Variants in C2orf78 observed in about 807,000 individuals in gnomAD.
C2orf78 encodes chromosome 2 open reading frame 78, also known as uncharacterized protein C2orf78.
C2orf78 carries 12 observed loss-of-function variants against 21.4 expected under a neutral mutation model. That is an observed-to-expected ratio of 0.56 (90% confidence interval 0.36 to 0.91). C2orf78 has a LOEUF of 0.91. Ranked by LOEUF, C2orf78 falls within the 40% of genes least tolerant of loss-of-function variation. C2orf78 has a pLI of 0.01. For synonymous variants in C2orf78, 396 were observed against 413.9 expected (o/e 0.96, Z 0.52); for missense variants, 1,042 against 1,092.4 (o/e 0.95, Z 0.65).
chr2:73,815,124 C>G, exon 3 of C2orf78: 1 of 1,613,942 alleles, frequency 6.2e-7, no homozygotes, highest in Non-Finnish European at 8.5e-7. Context: ...ATCTCCAAGC[C>G]AGACATTTTG....
chr2:73,813,368 G>A lies in C2orf78; in HGVS notation c.98-109G>A, dbSNP rs1428351962. On this transcript the variant is annotated intron_variant, in intron 1 of 2. Transcript: ENST00000409561. ...GCTTTTGGTATCTCAGTGAGTATTG[G>A]TATTAGAGGCTTCCTGATTGCAACA... The A allele has an allele frequency of 3.5e-6, 4 of 1,131,178 alleles. No individual in the cohort carries two copies. In the African/African-American group the frequency reaches 6.3e-5, roughly 18 times the overall value. The allele number at this position is 1,131,178 out of a possible 1,614,324, so 70.1% of individuals were successfully genotyped here.
chr2:73,815,196 A>G, exon 3 of C2orf78: 1 of 1,614,020 alleles, frequency 6.2e-7, no homozygotes, highest in South Asian at 1.1e-5. Context: ...GACACTTGAG[A>G]GTAACCCATC....
At chr2:73,816,708 T>A in exon 3 of C2orf78, 1 of 1,614,014 alleles carries the variant, frequency 6.2e-7, no homozygotes, top group Non-Finnish European at 8.5e-7. Flanking sequence ...GGAGCCTGTT[T>A]CCACTGCTGT....
At chr2:73,814,973 G>A in intron 2 of C2orf78, 98 bp from the exon 3 acceptor site, 1 of 1,185,096 alleles carries the variant, frequency 8.4e-7, no homozygotes, top group Non-Finnish European at 1.2e-6. Context: ...TAGTAGAAAT[G>A]CCTTGCCCAT....
intron 1 of C2orf78, among the ~76,000 whole-genome samples, chr2:73,784,805 A>C (rs990492623): frequency 1.3e-5 from 2 of 151,490 alleles, no homozygotes; most frequent in East Asian, 1.9e-4. Flanking sequence ...TTCATGTGTA[A>C]TAGCCTCCCT....
exon 2 of C2orf78, chr2:73,813,963 A>G (rs773991676): frequency 6.2e-7 from 1 of 1,614,022 alleles, no homozygotes; most frequent in Non-Finnish European, 8.5e-7. Context: ...CAAATTCCAA[A>G]TCAGCAGGGC....
chr2:73,785,834 G>A (rs1672916275), intron 1 of C2orf78, among the ~76,000 whole-genome samples: 1 of 151,918 alleles, frequency 6.6e-6, no homozygotes, highest in Non-Finnish European at 1.5e-5. Flanking sequence ...ATCACCTGAG[G>A]TCAGGAGTGT....
chr2:73,814,344 C>A, intron 2 of C2orf78, 118 bp downstream of exon 2: 1 of 1,167,436 alleles, frequency 8.6e-7, no homozygotes, highest in Non-Finnish European at 1.2e-6. Context: ...ACTTCAACCA[C>A]TATTCTTTGG....
At chr2:73,816,632 T>C in exon 3 of C2orf78, 1 of 1,613,710 alleles carries the variant, frequency 6.2e-7, no homozygotes, top group Non-Finnish European at 8.5e-7. Flanking sequence ...CCCAGCCTAC[T>C]GTCCCTCAAT....
rs566339963 is a variant in C2orf78 at position 73,785,900 on chromosome 2, G to C, written c.97+1494G>C. 3.8e-4 allele frequency among the ~76,000 whole-genome samples: 57 copies of C among 151,996 alleles called. 1 individual carries two copies. Among genetic ancestry groups the C allele is most frequent in the African/African-American group, 1.3e-3 (55 of 41,388 alleles). ...CACCTCTACTAAAAATACCAAATTA[G>C]CCGGGCATGGTGGCACATGCGTGTA... On this transcript the variant is annotated intron_variant, in intron 1 of 2. Coordinates refer to ENST00000409561, the Ensembl canonical transcript of C2orf78.
intron 1 of C2orf78, among the ~76,000 whole-genome samples, chr2:73,813,134 T>C (rs1354239612): frequency 6.6e-6 from 1 of 152,180 alleles, no homozygotes; most frequent in Non-Finnish European, 1.5e-5. Flanking sequence ...AGTTCTAAAA[T>C]GCTCCAATTC....
exon 2 of C2orf78, chr2:73,813,552 C>G (rs1573202195): frequency 1.2e-6 from 2 of 1,613,980 alleles, no homozygotes; most frequent in Non-Finnish European, 8.5e-7. Flanking sequence ...AGCAATGCAG[C>G]TTTCTTAACA....
chr2:73,811,111 T>G (rs1358052145), intron 1 of C2orf78, among the ~76,000 whole-genome samples: 1 of 151,152 alleles, frequency 6.6e-6, no homozygotes, highest in African/African-American at 2.4e-5. Flanking sequence ...GCCAACATGG[T>G]GAAATCCCAT....
intron 1 of C2orf78, among the ~76,000 whole-genome samples, 189 bp from the exon 2 acceptor site, chr2:73,813,288 T>A (rs903626008): frequency 7.2e-5 from 11 of 152,158 alleles, no homozygotes; most frequent in Non-Finnish European, 1.6e-4. Context: ...ACAAAGACAG[T>A]TCATCAGAAG....
intron 1 of C2orf78, among the ~76,000 whole-genome samples, chr2:73,806,974 C>G (rs1672971237): frequency 7.2e-6 from 1 of 139,824 alleles, no homozygotes; most frequent in Non-Finnish European, 1.5e-5. Context: ...ATCCCAAGGT[C>G]AGGAGACCAT....
exon 3 of C2orf78, chr2:73,816,144 G>A (rs982633903): frequency 1.7e-5 from 27 of 1,613,784 alleles, no homozygotes; most frequent in South Asian, 4.4e-5. Flanking sequence ...CCATGCACTC[G>A]GGAAAAAGAT....
chr2:73,816,509 G>T (rs761625200), exon 3 of C2orf78: 2 of 1,613,852 alleles, frequency 1.2e-6, no homozygotes, highest in African/African-American at 1.3e-5. Flanking sequence ...CAGCTCAATC[G>T]AATGCAGTCA....
At chr2:73,808,301 G>T (rs1673001941) in intron 1 of C2orf78, among the ~76,000 whole-genome samples, 1 of 151,084 alleles carries the variant, frequency 6.6e-6, no homozygotes, top group South Asian at 2.1e-4. Flanking sequence ...TCATTAATCA[G>T]ATTCACTGAA....
rs368807207 is a variant in C2orf78, at chr2:73,815,924, C to T, written c.1701C>T (p.Ser567=). The change falls in exon 3 of 3, where the codon AGC becomes AGT. Residue 567 remains serine (S), a synonymous_variant. Transcript: ENST00000409561. ...CCAGCAGGATCAGCAAAACTAAGAG[C>T]CATGGGCAGGAAAAGACCAAAGGGA... 1.1e-5 allele frequency: 17 copies of T among 1,613,414 alleles called. No homozygotes were observed. In the African/African-American group the frequency reaches 2.3e-4, roughly 22 times the overall value.
Sources: allele counts gnomAD v4.1 joint callset (sites outside exome capture counted in the v4.1 genomes callset), GRCh38; gene constraint gnomAD v4.1.1; transcripts MANE v1.5; gene names NCBI Gene and HGNC (gene_info 2026-07-23, HGNC 2026-07-21).